The following DPP6 variants were observed in gnomAD, a reference collection of about 807,000 sequenced individuals.
The protein encoded by DPP6 is dipeptidyl peptidase like 6, also known as A-type potassium channel modulatory protein DPP6.
In DPP6, 69 loss-of-function variants were observed where a neutral mutation model predicts 122.6. That is an observed-to-expected ratio of 0.56 (90% CI 0.46 to 0.69). DPP6 has a LOEUF of 0.69. Among genes scored for constraint, DPP6 ranks in the 30% least tolerant of loss-of-function variants. The pLI is 0.00. For synonymous variants in DPP6, 418 were observed against 433.1 expected, an observed-to-expected ratio of 0.97 and a Z score of 0.43; for missense variants, 928 against 1,116.9, an observed-to-expected ratio of 0.83 and a Z score of 2.41.
intron 1 of DPP6, among the ~76,000 whole-genome samples, chr7:154,231,737 TGA>T (rs1800930249): frequency 6.6e-6 from 1 of 152,064 alleles, no homozygotes; most frequent in Admixed American, 6.5e-5. Context: ...GAGCCACAGA[TGA>T]GAGAGGACCT....
At chr7:154,584,973 T>C (rs1291583352) in intron 5 of DPP6, among the ~76,000 whole-genome samples, 1 of 152,210 alleles carries the variant, frequency 6.6e-6, no homozygotes, top group Non-Finnish European at 1.5e-5. Context: ...TTCTATGAGC[T>C]TTAAGACCTG....
Position 154,371,622 on chromosome 7 carries a change from G to T in DPP6, c.244-74592G>T, listed in dbSNP as rs748358494. Among the ~76,000 whole-genome samples the T allele has an allele frequency of 1.1e-4, 16 of 152,136 alleles. No homozygotes were observed. The East Asian group carries it at 3.1e-3, about 30-fold the overall frequency. Reference sequence around the variant, plus strand: ...GCATCCCGCTGTCCTGAATGCACACGTCTGTGTGCCGTGGGATGGCCTCTA... The same window carrying T: ...GCATCCCGCTGTCCTGAATGCACACTTCTGTGTGCCGTGGGATGGCCTCTA... On this transcript the variant is annotated intron_variant, in intron 1 of 25. Coordinates refer to ENST00000377770, the MANE Select transcript of DPP6 (RefSeq NM_130797.4).
intron 5 of DPP6, among the ~76,000 whole-genome samples, chr7:154,585,861 G>A (rs148597786): frequency 1.1e-4 from 16 of 152,242 alleles, no homozygotes; most frequent in African/African-American, 3.9e-4. Flanking sequence ...CTGAAGGAGG[G>A]GGCTTTGGGG....
chr7:154,356,348 T>G (rs775057328), intron 1 of DPP6, among the ~76,000 whole-genome samples: 10 of 152,252 alleles, frequency 6.6e-5, no homozygotes, highest in Non-Finnish European at 1.2e-4. Flanking sequence ...ACTTAAGTAC[T>G]TGTGGATTTG....
intron 1 of DPP6, among the ~76,000 whole-genome samples, chr7:153,963,088 A>G (rs10240998): frequency 0.056 from 8,464 of 152,114 alleles, 811 homozygotes; most frequent in African/African-American, 0.19. Flanking sequence ...AGCTAAGACA[A>G]CCTCCTAAGA....
intron 25 of DPP6, chr7:154,889,739 C>G (rs1031610094): frequency 2.7e-6 from 2 of 752,822 alleles, no homozygotes; most frequent in African/African-American, 3.5e-5. Context: ...TACTTCAGCC[C>G]GGTTTAAATC....
At chr7:153,780,419 T>C in the DPP6 span, among the ~76,000 whole-genome samples, 1 of 152,204 alleles carries the variant, frequency 6.6e-6, no homozygotes, top group Non-Finnish European at 1.5e-5. Context: ...TCCTTTCTTT[T>C]GTTTTTAAAT....
chr7:154,413,047 A>ATCT (rs937439740), intron 1 of DPP6, among the ~76,000 whole-genome samples: 6 of 152,280 alleles, frequency 3.9e-5, no homozygotes, highest in African/African-American at 1.4e-4. Context: ...TCAGACCCCC[A>ATCT]TCCCAGCCCT....
At chr7:154,555,664 TAAG>T (rs1399221182) in intron 4 of DPP6, among the ~76,000 whole-genome samples, 2 of 151,822 alleles carry the variant, frequency 1.3e-5, no homozygotes, top group African/African-American at 4.8e-5. Context: ...AAAAAACTAA[TAAG>T]AACATATCTT....
At chr7:154,416,183 G>A (rs4725541) in intron 1 of DPP6, among the ~76,000 whole-genome samples, 83,512 of 151,964 alleles carry the variant, frequency 0.55, 26,452 homozygotes, top group Non-Finnish European at 0.69. Context: ...TCAGTCCTGT[G>A]TCCAGCATCT....
intron 1 of DPP6, among the ~76,000 whole-genome samples, chr7:154,016,023 A>C (rs1419798077): frequency 6.6e-6 from 1 of 152,170 alleles, no homozygotes; most frequent in African/African-American, 2.4e-5. Flanking sequence ...ATATCGGCCC[A>C]CGTTCTATTC....
At chr7:154,639,329 G>C (rs1230049555) in intron 6 of DPP6, among the ~76,000 whole-genome samples, 1 of 152,168 alleles carries the variant, frequency 6.6e-6, no homozygotes, top group Non-Finnish European at 1.5e-5. Flanking sequence ...TTCATTAAAA[G>C]TATGTTTTAA....
At chr7:153,861,120 A>G in the DPP6 span, among the ~76,000 whole-genome samples, 2 of 152,234 alleles carry the variant, frequency 1.3e-5, no homozygotes, top group Non-Finnish European at 2.9e-5. Flanking sequence ...TATTTAGGCA[A>G]TTAGAAACTT....
In DPP6 at chr7:154,851,851, G is replaced by A. The variant is rs189543870; in HGVS notation, c.1667-1929G>A. On this transcript the variant is annotated intron_variant, in intron 16 of 25. Transcript: ENST00000377770. ...TGGCAGCCCCATCTGTGGGTGAACA[G>A]AGAGGGGCACCACGTTGGGGAAAAG... 2.5e-3 allele frequency among the ~76,000 whole-genome samples: 383 copies of A among 152,314 alleles called. 1 individual carries two copies. Among genetic ancestry groups the A allele is most frequent in the African/African-American group, 8.9e-3 (372 of 41,570 alleles).
At chr7:154,763,004 C>T (rs918534290) in intron 8 of DPP6, among the ~76,000 whole-genome samples, 3 of 152,206 alleles carry the variant, frequency 2.0e-5, no homozygotes, top group African/African-American at 4.8e-5. Context: ...AGTTCCACAT[C>T]GTGGCTGCCT....
intron 1 of DPP6, among the ~76,000 whole-genome samples, chr7:154,147,508 G>A (rs763304701): frequency 1.4e-5 from 2 of 145,792 alleles, no homozygotes; most frequent in Non-Finnish European, 3.0e-5. Flanking sequence ...TTCTGTCGGA[G>A]TCTTACTCTC....
At chr7:154,620,500 A>C (rs1360492680) in intron 5 of DPP6, among the ~76,000 whole-genome samples, 2 of 152,220 alleles carry the variant, frequency 1.3e-5, no homozygotes, top group African/African-American at 4.8e-5. Flanking sequence ...TAGAACACAA[A>C]ATTTCACTAC....
intron 1 of DPP6, among the ~76,000 whole-genome samples, chr7:154,311,365 G>T (rs1009845077): frequency 6.6e-6 from 1 of 151,962 alleles, no homozygotes; most frequent in Non-Finnish European, 1.5e-5. Context: ...TGGTGGTGGC[G>T]CATGCCTGTT....
At chr7:154,169,866 G>C (rs1189264829) in intron 1 of DPP6, among the ~76,000 whole-genome samples, 1 of 152,144 alleles carries the variant, frequency 6.6e-6, no homozygotes, top group African/African-American at 2.4e-5. Context: ...AAGTAGCTGA[G>C]ACTATAGGCA....
Sources: gnomAD v4.1 joint callset for allele counts (sites outside exome capture counted in the v4.1 genomes callset) on GRCh38, gnomAD v4.1.1 for gene constraint, MANE v1.5 for transcripts, NCBI Gene and HGNC (gene_info 2026-07-23, HGNC 2026-07-21) for gene names.